The following MCM9 variants were observed in gnomAD, a reference collection of about 807,000 sequenced individuals.
MCM9 encodes DNA helicase MCM9.
MCM9 carries 55 observed loss-of-function variants against 72.8 expected under a neutral mutation model. That is an observed-to-expected ratio of 0.76 (90% confidence interval 0.61 to 0.95). The LOEUF is 0.95. Among genes scored for constraint, MCM9 ranks in the 40% least tolerant of loss-of-function variants. The pLI is 0.00. For synonymous variants in MCM9, 480 were observed against 503.4 expected (o/e 0.95, Z 0.62); for missense variants, 1,279 against 1,377.0 (o/e 0.93, Z 1.13).
intron 9 of MCM9, among the ~76,000 whole-genome samples, chr6:118,855,187 G>A (rs1776476298): frequency 6.6e-6 from 1 of 152,140 alleles, no homozygotes; most frequent in South Asian, 2.1e-4. Flanking sequence ...GAGATATAAT[G>A]AGAAAAGAAA....
intron 13 of MCM9, among the ~76,000 whole-genome samples, chr6:118,819,667 A>G (rs1773658957): frequency 6.6e-6 from 1 of 151,950 alleles, no homozygotes; most frequent in Admixed American, 6.6e-5. Context: ...CTCTTTTTCT[A>G]TTGTTTGAAA....
chr6:118,852,465 C>T (rs1192441630), intron 9 of MCM9, among the ~76,000 whole-genome samples: 1 of 151,842 alleles, frequency 6.6e-6, no homozygotes, highest in East Asian at 1.9e-4. Context: ...TGGAAGATGT[C>T]ACTCCAATTA....
intron 9 of MCM9, among the ~76,000 whole-genome samples, chr6:118,843,655 T>TACGTATATATATATATATAC (rs1491542240): frequency 5.2e-5 from 2 of 38,616 alleles, no homozygotes; most frequent in Non-Finnish European, 9.5e-5. Flanking sequence ...TATATATATA[T>TACGTATATATATATATATAC]GTGTATATAT....
In MCM9 at chr6:118,884,508, T is replaced by TA. The variant is rs564594715; in HGVS notation, c.1150+27141dup. Among the ~76,000 whole-genome samples, 24 of 150,052 alleles carry TA rather than the reference T, an allele frequency of 1.6e-4. No homozygotes were observed. The South Asian group carries it at 2.1e-3, about 13-fold the overall frequency. ...AAAGGAAAGCAGTAAAAAAGGAATT[T>TA]AAAAAAAAACAAAACAACTTGAGAC... On this transcript the variant is annotated intron_variant, in intron 8 of 13. Transcript: ENST00000619706.
chr6:118,909,334 T>A (rs975535815), intron 8 of MCM9, among the ~76,000 whole-genome samples: 4 of 152,214 alleles, frequency 2.6e-5, no homozygotes, highest in Non-Finnish European at 5.9e-5. Flanking sequence ...TTGTATCAAG[T>A]TGTAAATGGA....
At chr6:118,841,968 G>C (rs1775403465) in intron 9 of MCM9, among the ~76,000 whole-genome samples, 1 of 152,026 alleles carries the variant, frequency 6.6e-6, no homozygotes, top group Non-Finnish European at 1.5e-5. Context: ...CAGAGTAGCT[G>C]GGACTACAGG....
At chr6:118,822,421 T>G (rs1413517048) in intron 13 of MCM9, among the ~76,000 whole-genome samples, 2 of 152,160 alleles carry the variant, frequency 1.3e-5, no homozygotes, top group East Asian at 3.9e-4. Context: ...CTCCAGACCC[T>G]GTTTGCCTGG....
At chr6:118,855,317 T>C (rs1190163040) in intron 9 of MCM9, among the ~76,000 whole-genome samples, 1 of 152,232 alleles carries the variant, frequency 6.6e-6, no homozygotes, top group East Asian at 1.9e-4. Flanking sequence ...CGCTTTGCTG[T>C]CATTTTTATC....
rs891206662 is a variant in MCM9, at chr6:118,829,223, G to C, written c.1353C>G (p.Thr451=). ...AGLVCKLNTR[T]TILAATNPKG... ...TGGGGTTCGTTGCTGCCAGGATGGT[G>C]GTCCTTGTGTTCAGCTTGCACACGA... is the stretch of plus-strand genomic sequence containing the variant. The change falls in exon 10 of 14, where the codon ACC becomes ACG. Residue 451 remains threonine, a synonymous_variant. Transcript: ENST00000619706. The C allele has an allele frequency of 4.5e-6, 7 of 1,550,108 alleles. No homozygotes were observed. In the African/African-American group the frequency reaches 9.6e-5, roughly 21 times the overall value.
intron 8 of MCM9, among the ~76,000 whole-genome samples, chr6:118,884,538 A>G (rs1055318998): frequency 6.6e-6 from 1 of 152,192 alleles, no homozygotes; most frequent in African/African-American, 2.4e-5. Flanking sequence ...TGAGACATAT[A>G]GAAGACAAAA....
In MCM9 at chr6:118,847,245, A is replaced by T. The variant is rs1775927619; in HGVS notation, c.1325+9126T>A. ...TAAGTGGGAGCTAAACAACGGGTAG[A>T]CATGTTCATAAAGATGGAAACAACA... On this transcript the variant is annotated intron_variant, in intron 9 of 13. Coordinates refer to ENST00000619706, the MANE Select transcript of MCM9 (RefSeq NM_017696.3). 1.3e-5 allele frequency among the ~76,000 whole-genome samples: 2 copies of T among 151,706 alleles called. 1 individual carries two copies. The highest frequency in any genetic ancestry group is 4.9e-5 in the African/African-American group (2 of 41,034).
intron 8 of MCM9, chr6:118,907,742 T>G: frequency 1.4e-6 from 1 of 704,756 alleles, no homozygotes; most frequent in East Asian, 2.7e-5. Context: ...GTAGAAAGTT[T>G]ATAAGAAAAC....
chr6:118,907,215 C>A (rs1175160313), intron 8 of MCM9, among the ~76,000 whole-genome samples: 1 of 152,150 alleles, frequency 6.6e-6, no homozygotes, highest in African/African-American at 2.4e-5. Context: ...AAAATAACTT[C>A]TTTGCTACAG....
chr6:118,927,916 T>C (rs113533130), intron 3 of MCM9, among the ~76,000 whole-genome samples: 4 of 152,326 alleles, frequency 2.6e-5, no homozygotes, highest in African/African-American at 9.6e-5. Context: ...TCTCCTTTGC[T>C]TTTACCCTTC....
At chr6:118,861,211 C>T (rs555477555) in intron 8 of MCM9, among the ~76,000 whole-genome samples, 2 of 152,294 alleles carry the variant, frequency 1.3e-5, no homozygotes, top group Admixed American at 6.5e-5. Context: ...CTGCAGGCAC[C>T]AGCATCTGAA....
chr6:118,911,371 T>A (rs1780532907), intron 8 of MCM9: 11 of 1,129,662 alleles, frequency 9.7e-6, no homozygotes, highest in Non-Finnish European at 1.2e-5. Context: ...AAATGCCAGA[T>A]GATACGGACT....
At chr6:118,894,238 A>T (rs11542663) in intron 8 of MCM9, 2 of 1,429,210 alleles carry the variant, frequency 1.4e-6, no homozygotes, top group East Asian at 5.1e-5. Context: ...AAAGCTGCAA[A>T]ACACTGTGGA....
At chr6:118,860,653 G>A (rs1776843201) in intron 8 of MCM9, among the ~76,000 whole-genome samples, 1 of 151,962 alleles carries the variant, frequency 6.6e-6, no homozygotes, top group South Asian at 2.1e-4. Flanking sequence ...CTACACTCAA[G>A]CACATTCCAT....
intron 8 of MCM9, among the ~76,000 whole-genome samples, chr6:118,862,239 T>C (rs1776951589): frequency 6.6e-6 from 1 of 152,184 alleles, no homozygotes; most frequent in African/African-American, 2.4e-5. Context: ...TGGGTGGCTG[T>C]AGCTTCACCT....
Sources: gnomAD v4.1 joint callset for allele counts (sites outside exome capture counted in the v4.1 genomes callset) on GRCh38, gnomAD v4.1.1 for gene constraint, MANE v1.5 for transcripts, NCBI Gene and HGNC (gene_info 2026-07-23, HGNC 2026-07-21) for gene names.